Variants in NOD1 observed in about 807,000 individuals in gnomAD.
The protein encoded by NOD1 is nucleotide binding oligomerization domain containing 1, also known as nucleotide-binding oligomerization domain-containing protein 1.
NOD1 carries 70 observed loss-of-function variants against 81.2 expected under a neutral mutation model. The observed-to-expected ratio is 0.86, with a 90% CI of 0.71 to 1.05. The LOEUF (loss-of-function observed/expected upper bound fraction) is 1.05, where lower values mean the gene tolerates loss of function less well. Ranked by LOEUF, NOD1 falls within the 50% of genes least tolerant of loss-of-function variation. The probability of loss-of-function intolerance (pLI) is 0.00; values close to 1 mark genes in which losing one functional copy is unlikely to be tolerated. For synonymous variants in NOD1, 508 were observed against 526.9 expected (o/e 0.96, Z 0.49); for missense variants, 1,233 against 1,228.0 (o/e 1.00, Z -0.06).
At chr7:30,471,664 C>T (rs556616900) in intron 1 of NOD1, among the ~76,000 whole-genome samples, 32 of 152,370 alleles carry the variant, frequency 2.1e-4, no homozygotes, top group Non-Finnish European at 3.1e-4. Flanking sequence ...AACAGACTAG[C>T]GTGAAAAACT....
chr7:30,446,946 C>G, intron 8 of NOD1, 21 bp downstream of exon 8: 1 of 1,597,136 alleles, frequency 6.3e-7, no homozygotes, highest in Non-Finnish European at 8.6e-7. Flanking sequence ...TACTAAGGAA[C>G]CTGGTGCCTA....
intron 4 of NOD1, among the ~76,000 whole-genome samples, chr7:30,455,960 G>A (rs1786324686): frequency 6.6e-6 from 1 of 152,210 alleles, no homozygotes; most frequent in Admixed American, 6.5e-5. Flanking sequence ...GTGGAGAGGT[G>A]AGAACCACCC....
At position 30,451,833 on chromosome 7, in the gene NOD1, G is replaced by A. The variant is rs994316916; in HGVS notation, c.1584C>T (p.Phe528=). Reference sequence around the variant, plus strand: ...TGCCCACCCTGTCGTCCAGCACGAGGAAGAAGGCTGTAAAGAAGGCCTGGA... The same window carrying A: ...TGCCCACCCTGTCGTCCAGCACGAGAAAGAAGGCTGTAAAGAAGGCCTGGA... ...LTLQAFFTAF[F]LVLDDRVGTQ... The change falls in exon 6 of 14, where the codon TTC becomes TTT. Residue 528 remains phenylalanine (F), a synonymous_variant. Transcript: ENST00000222823. The surrounding 1 kb of genome is among the most constrained non-coding windows in gnomAD (Gnocchi z 4.2). The A allele has an allele frequency of 2.5e-6, 4 of 1,613,740 alleles. No homozygotes were observed. The highest frequency in any genetic ancestry group is 2.7e-5 in the African/African-American group (2 of 74,940).
At position 30,451,264 on chromosome 7, in the gene NOD1, T is replaced by C. The variant is rs952607910; in HGVS notation, c.2153A>G (p.Tyr718Cys). ...GCAGGGCTGCAGCTCCCGCACGCCG[T>C]AGTCGTTGAGATTGTTGTTGTCTAG... ...LDLDNNNLND[Y>C]GVRELQPCFS... Residue 718 changes from tyrosine (Y) to cysteine (C), a missense_variant, in exon 6 of 14, where the codon TAC (tyrosine) becomes TGC (cysteine). Transcript: ENST00000222823. This position sits in a 1 kb window ranked among gnomAD's most constrained non-coding sequence, Gnocchi z 4.2. The C allele has an allele frequency of 3.1e-6, 5 of 1,613,914 alleles. No individual in the cohort carries two copies. Among genetic ancestry groups the C allele is most frequent in the African/African-American group, 2.7e-5 (2 of 74,910 alleles).
intron 12 of NOD1, among the ~76,000 whole-genome samples, chr7:30,431,160 A>G (rs1372658514): frequency 6.6e-6 from 1 of 151,784 alleles, no homozygotes; most frequent in Non-Finnish European, 1.5e-5. Context: ...AGCAGCCAAG[A>G]CTCTCTTTCT....
Position 30,452,275 on chromosome 7 carries a change from T to A in NOD1, c.1142A>T (p.Asn381Ile), listed in dbSNP as rs748528133. The change falls in exon 6 of 14, where the codon AAC (asparagine) becomes ATC (isoleucine). Residue 381 changes from asparagine to isoleucine, a missense_variant. By Grantham distance (149) the Asn-to-Ile change is moderately radical (BLOSUM62 -3). Coordinates refer to ENST00000222823, the MANE Select transcript of NOD1 (RefSeq NM_006092.4). ...QDRLLSQLEA[N>I]PNLCSLCSVP... Reference sequence around the variant, plus strand: ...AGAGCACAGGCTGCAGAGGTTGGGGTTGGCCTCCAGCTGGCTCAGCAGGCG... The same window carrying A: ...AGAGCACAGGCTGCAGAGGTTGGGGATGGCCTCCAGCTGGCTCAGCAGGCG... 6.2e-7 allele frequency: 1 copy of A among 1,613,422 alleles called. No individual in the cohort carries two copies. The highest frequency in any genetic ancestry group is 1.7e-5 in the Admixed American group (1 of 60,026).
At chr7:30,474,947 G>A (rs1430081029) in intron 1 of NOD1, among the ~76,000 whole-genome samples, 1 of 152,166 alleles carries the variant, frequency 6.6e-6, no homozygotes, top group Non-Finnish European at 1.5e-5. Flanking sequence ...CTCACTGAAG[G>A]GGCCTGTGTT....
At chr7:30,456,282 G>A (rs1786363547) in intron 4 of NOD1, among the ~76,000 whole-genome samples, 1 of 152,146 alleles carries the variant, frequency 6.6e-6, no homozygotes, top group South Asian at 2.1e-4. Context: ...AGTGGAGCGG[G>A]GAAGATTCTT....
intron 1 of NOD1, among the ~76,000 whole-genome samples, chr7:30,469,406 C>CTCCCTCT (rs1788040609): frequency 6.6e-6 from 1 of 152,152 alleles, no homozygotes; most frequent in Non-Finnish European, 1.5e-5. Flanking sequence ...CCCCTCCCTA[C>CTCCCTCT]TCCCTCTTCC....
rs1218230999 is a variant in NOD1, at chr7:30,446,017, T to C, written c.2453+124A>G. ...TCGCAGCATGGTGAAAGCTCTCCAC[T>C]ATCTCTCCCCGACAGCGAGCCCCAG... On this transcript the variant is annotated intron_variant, in intron 9 of 13. Transcript: ENST00000222823. 5.3e-6 allele frequency: 4 copies of C among 760,606 alleles called. No homozygotes were observed. In the East Asian group the frequency reaches 9.9e-5, roughly 19 times the overall value. The allele number at this position is 760,606 out of a possible 1,614,324, so 47.1% of individuals were successfully genotyped here.
At position 30,436,015 on chromosome 7, in the gene NOD1, C is replaced by T. The variant is rs780264278; in HGVS notation, c.2604G>A (p.Thr868=). The change falls in exon 11 of 14, where the codon ACG becomes ACA. Residue 868 remains threonine (T), a synonymous_variant. Coordinates refer to ENST00000222823, the MANE Select transcript of NOD1 (RefSeq NM_006092.4). ...GCTATTACCACAGTATTTCTAGAGA[C>T]GTGTTCTGCTGCAGGGCCCTCGCAA... ...KSLARALQQN[T]SLEILWLTQN... 1.1e-5 allele frequency: 17 copies of T among 1,613,584 alleles called. No homozygotes were observed. The East Asian group carries it at 1.3e-4, about 13-fold the overall frequency.
At chr7:30,432,915 C>A (rs1583665496) in intron 12 of NOD1, among the ~76,000 whole-genome samples, 181 bp downstream of exon 12, 1 of 151,988 alleles carries the variant, frequency 6.6e-6, no homozygotes, top group African/African-American at 2.4e-5. Context: ...TTAATGGATA[C>A]CAGGGCTTTT....
At chr7:30,470,871 G>C (rs750204758) in intron 1 of NOD1, among the ~76,000 whole-genome samples, 1 of 152,170 alleles carries the variant, frequency 6.6e-6, no homozygotes, top group East Asian at 1.9e-4. Flanking sequence ...TCCACTCTGC[G>C]AGAGGGCTGA....
rs1421425437 is a variant in NOD1, at chr7:30,425,670, A to G, written c.2830T>C (p.Tyr944His). 1.9e-6 allele frequency: 3 copies of G among 1,613,932 alleles called. No individual in the cohort carries two copies. Among genetic ancestry groups the G allele is most frequent in the East Asian group, 4.5e-5 (2 of 44,878 alleles). ...CAGATAATCCGCTTCTCATCTTCAT[A>G]GACTTTGGCCTCCTCTGGTTTTATC... is the stretch of plus-strand genomic sequence containing the variant. ...NLIKPEEAKV[Y>H]EDEKRIICF Residue 944 changes from tyrosine to histidine, a missense_variant, in exon 14 of 14, where the codon TAT becomes CAT. Physicochemically the swap from Tyr to His is moderately conservative, Grantham distance 83 (BLOSUM62 2). Coordinates refer to ENST00000222823, the MANE Select transcript of NOD1 (RefSeq NM_006092.4).
chr7:30,468,710 C>T, intron 1 of NOD1: 1 of 584,782 alleles, frequency 1.7e-6, no homozygotes. Flanking sequence ...GAGTGGGCTC[C>T]ACCAACCCCC....
At chr7:30,457,522 AT>A (rs2128071885) in intron 3 of NOD1, among the ~76,000 whole-genome samples, 1 of 152,332 alleles carries the variant, frequency 6.6e-6, no homozygotes, top group African/African-American at 2.4e-5. Flanking sequence ...TGAGGGTTAC[AT>A]CTCTAGGGTA....
intron 7 of NOD1, chr7:30,447,723 T>G (rs997432040): frequency 1.3e-5 from 2 of 154,522 alleles, no homozygotes; most frequent in African/African-American, 4.8e-5. Context: ...TCTCTCAGAC[T>G]CCAAAACCTC....
chr7:30,432,002 G>A (rs1783994713), intron 12 of NOD1, among the ~76,000 whole-genome samples: 3 of 152,142 alleles, frequency 2.0e-5, no homozygotes, highest in Non-Finnish European at 4.4e-5. Context: ...CTACTCAGGA[G>A]GCTGAGGCAG....
Position 30,452,217 on chromosome 7 carries a change from G to A in NOD1, c.1200C>T (p.Cys400=). 1.9e-6 allele frequency: 3 copies of A among 1,613,932 alleles called. No individual in the cohort carries two copies. Among genetic ancestry groups the A allele is most frequent in the Non-Finnish European group, 2.5e-6 (3 of 1,180,034 alleles). Residue 400 remains cysteine, a synonymous_variant, in exon 6 of 14, where the codon TGC becomes TGT. Transcript: ENST00000222823. ...CAAAGGCAGCACGGAAGTGCTGGAA[G>A]CACCGGAAGATGATCCAGCAGAAGA... is the stretch of plus-strand genomic sequence containing the variant. ...VPLFCWIIFR[C]FQHFRAAFEG...
Sources: gnomAD v4.1 joint callset for allele counts (sites outside exome capture counted in the v4.1 genomes callset) on GRCh38, gnomAD v4.1.1 for gene constraint, Gnocchi (gnomAD v3.1) non-coding constraint, MANE v1.5 for transcripts, NCBI Gene and HGNC (gene_info 2026-07-23, HGNC 2026-07-21) for gene names.